Variants in SLCO6A1 observed in about 807,000 individuals in gnomAD.
SLCO6A1 encodes cancer/testis antigen 48.
In SLCO6A1, 65 loss-of-function variants were observed where a neutral mutation model predicts 72.7. The observed-to-expected ratio is 0.89, with a 90% confidence interval of 0.73 to 1.10. The LOEUF (loss-of-function observed/expected upper bound fraction) is 1.10, where lower values mean the gene tolerates loss of function less well. Among genes scored for constraint, SLCO6A1 ranks in the 50% least tolerant of loss-of-function variants. The probability of loss-of-function intolerance (pLI) is 0.00; values close to 1 mark genes in which losing one functional copy is unlikely to be tolerated. For synonymous variants in SLCO6A1, 314 were observed against 298.2 expected (o/e 1.05, Z -0.55); for missense variants, 874 against 872.6 (o/e 1.00, Z -0.02).
chr5:102,459,616 C>A, intron 5 of SLCO6A1, 40 bp downstream of exon 5: 1 of 1,540,458 alleles, frequency 6.5e-7, no homozygotes, highest in Non-Finnish European at 8.7e-7. Context: ...GTGGAAGAAA[C>A]TACTATCCTC....
At chr5:102,488,763 G>A (rs1752549796) in intron 1 of SLCO6A1, among the ~76,000 whole-genome samples, 1 of 152,200 alleles carries the variant, frequency 6.6e-6, no homozygotes, top group African/African-American at 2.4e-5. Flanking sequence ...GGTCAGTACT[G>A]TCTTCAAATT....
intron 10 of SLCO6A1, among the ~76,000 whole-genome samples, chr5:102,391,629 T>G (rs2112522929): frequency 6.6e-6 from 1 of 152,132 alleles, no homozygotes; most frequent in East Asian, 1.9e-4. Context: ...GGATTCCTTT[T>G]TTCTTCCCAG....
intron 12 of SLCO6A1, among the ~76,000 whole-genome samples, chr5:102,385,670 C>A (rs1580330130): frequency 6.6e-6 from 1 of 151,686 alleles, no homozygotes; most frequent in African/African-American, 2.4e-5. Context: ...TGGCTTGTAT[C>A]TCTATTGTAT....
rs569845883 is a variant in SLCO6A1, at chr5:102,457,323, G to A, written c.1131+1059C>T. Reference sequence around the variant, plus strand: ...CACTGGAGTGAACAGGCAACCTACAGAATGGGAGAATATTTTTGCAATCTA... The same window carrying A: ...CACTGGAGTGAACAGGCAACCTACAAAATGGGAGAATATTTTTGCAATCTA... On this transcript the variant is annotated intron_variant, in intron 6 of 13. Coordinates refer to ENST00000506729, the MANE Select transcript of SLCO6A1 (RefSeq NM_173488.5). Among the ~76,000 whole-genome samples the A allele has an allele frequency of 9.5e-4, 144 of 151,006 alleles. 1 individual carries two copies. The highest frequency in any genetic ancestry group is 3.4e-3 in the Middle Eastern group (1 of 294).
intron 11 of SLCO6A1, among the ~76,000 whole-genome samples, chr5:102,389,100 T>A (rs1746587786): frequency 6.6e-6 from 1 of 152,176 alleles, no homozygotes; most frequent in Non-Finnish European, 1.5e-5. Context: ...ATCTCAATAC[T>A]TTTATTGGCT....
At chr5:102,488,617 A>G (rs980395086) in intron 1 of SLCO6A1, among the ~76,000 whole-genome samples, 1 of 152,250 alleles carries the variant, frequency 6.6e-6, no homozygotes, top group Non-Finnish European at 1.5e-5. Flanking sequence ...TGGGGACAAG[A>G]TTCAGGAGAA....
chr5:102,449,760 G>T (rs545578415), intron 6 of SLCO6A1, among the ~76,000 whole-genome samples: 1 of 152,290 alleles, frequency 6.6e-6, no homozygotes, highest in Non-Finnish European at 1.5e-5. Flanking sequence ...CAAGTTGCTT[G>T]CTCTTTCTCC....
intron 8 of SLCO6A1, among the ~76,000 whole-genome samples, chr5:102,415,709 G>A (rs554036387): frequency 6.6e-6 from 1 of 151,944 alleles, no homozygotes; most frequent in South Asian, 2.1e-4. Flanking sequence ...AGACAAATGG[G>A]ACTTAATTAA....
At chr5:102,458,921 A>C (rs974524018) in intron 5 of SLCO6A1, among the ~76,000 whole-genome samples, 1 of 152,232 alleles carries the variant, frequency 6.6e-6, no homozygotes, top group African/African-American at 2.4e-5. Context: ...GATTTCTTTG[A>C]CTTTACATGT....
chr5:102,422,311 A>G (rs1485143175), intron 7 of SLCO6A1, among the ~76,000 whole-genome samples: 1 of 152,234 alleles, frequency 6.6e-6, no homozygotes, highest in Non-Finnish European at 1.5e-5. Context: ...GAAGGTGGGT[A>G]ATAACAAACT....
At chr5:102,475,050 A>G (rs1295645977) in intron 4 of SLCO6A1, among the ~76,000 whole-genome samples, 1 of 152,146 alleles carries the variant, frequency 6.6e-6, no homozygotes, top group African/African-American at 2.4e-5. Flanking sequence ...CTGGAAAAAT[A>G]GACTTACCAT....
At chr5:102,494,618 A>T (rs1752829165) in intron 1 of SLCO6A1, among the ~76,000 whole-genome samples, 2 of 152,216 alleles carry the variant, frequency 1.3e-5, no homozygotes, top group African/African-American at 4.8e-5. Flanking sequence ...ACAAACAAAG[A>T]CATACAAATG....
intron 8 of SLCO6A1, among the ~76,000 whole-genome samples, chr5:102,414,002 T>C (rs1207208568): frequency 2.0e-5 from 3 of 152,142 alleles, no homozygotes; most frequent in African/African-American, 7.2e-5. Context: ...TATATTATTT[T>C]CCAATAGTTT....
At chr5:102,450,503 C>T (rs966742093) in intron 6 of SLCO6A1, among the ~76,000 whole-genome samples, 5 of 152,218 alleles carry the variant, frequency 3.3e-5, no homozygotes, top group East Asian at 1.9e-4. Context: ...TCTGTATTTC[C>T]TTGTATTTGC....
intron 11 of SLCO6A1, among the ~76,000 whole-genome samples, chr5:102,390,065 T>A (rs7733253): frequency 0.65 from 98,372 of 151,934 alleles, 32,057 homozygotes; most frequent in African/African-American, 0.67. Flanking sequence ...TAAATGTAAA[T>A]CAAATAATAT....
intron 4 of SLCO6A1, among the ~76,000 whole-genome samples, chr5:102,473,100 G>C (rs1488616664): frequency 1.3e-5 from 2 of 151,920 alleles, no homozygotes; most frequent in Non-Finnish European, 2.9e-5. Flanking sequence ...AGTAACTGAA[G>C]AGGAGGGAAT....
intron 12 of SLCO6A1, among the ~76,000 whole-genome samples, chr5:102,378,940 C>T (rs964785879): frequency 2.6e-5 from 4 of 151,988 alleles, no homozygotes; most frequent in African/African-American, 9.7e-5. Context: ...GCCACTACGC[C>T]TAGCTAATTT....
intron 11 of SLCO6A1, 150 bp from the exon 12 acceptor site, chr5:102,388,975 G>C (rs1746582021): frequency 5.5e-6 from 4 of 723,414 alleles, no homozygotes; most frequent in Non-Finnish European, 8.4e-6. Flanking sequence ...AAATAGGATT[G>C]TTAATCACTG....
chr5:102,394,529 A>G (rs1746955279), intron 10 of SLCO6A1, among the ~76,000 whole-genome samples: 1 of 152,010 alleles, frequency 6.6e-6, no homozygotes, highest in East Asian at 1.9e-4. Flanking sequence ...ATAATATCAT[A>G]TAGATAATAA....
Sources: gnomAD v4.1 joint callset for allele counts (sites outside exome capture counted in the v4.1 genomes callset) on GRCh38, gnomAD v4.1.1 for gene constraint, MANE v1.5 for transcripts, NCBI Gene and HGNC (gene_info 2026-07-23, HGNC 2026-07-21) for gene names.